Variants in ATAD2 observed in about 807,000 individuals in gnomAD.
ATAD2 encodes the protein ATPase family AAA domain containing 2, also known as ATPase family AAA domain-containing protein 2.
ATAD2 carries 62 observed loss-of-function variants against 168.9 expected under a neutral mutation model. That is an observed-to-expected ratio of 0.37 (90% CI 0.30 to 0.45). The LOEUF (loss-of-function observed/expected upper bound fraction) is 0.45. Ranked by LOEUF, ATAD2 falls within the 20% of genes least tolerant of loss-of-function variation. The pLI, the probability that ATAD2 is intolerant of heterozygous loss-of-function variation, is 1.00. For synonymous variants in ATAD2, 613 were observed against 571.6 expected (o/e 1.07, Z -1.03); for missense variants, 1,419 against 1,667.8 (o/e 0.85, Z 2.60).
intron 19 of ATAD2, chr8:123,344,481 G>A (rs980329760): frequency 5.6e-6 from 1 of 177,468 alleles, no homozygotes; most frequent in African/African-American, 2.4e-5. Context: ...GAGTAGCTGG[G>A]ACTGCAGGCG....
chr8:123,370,927 T>C lies in ATAD2; in HGVS notation c.703A>G (p.Thr235Ala). 4.4e-6 allele frequency: 7 copies of C among 1,607,616 alleles called. No homozygotes were observed. The highest frequency in any genetic ancestry group is 6.0e-6 in the Non-Finnish European group (7 of 1,176,336). Reference protein sequence around the residue: ...KDIQRTDEETTDNQEGSVESS... With the variant: ...KDIQRTDEETADNQEGSVESS... ...CCCACACTGCCTTCTTGATTATCAG[T>C]TGTTTCTTCATCAGTTCTTTGAATA... Residue 235 changes from threonine (T) to alanine (A), a missense_variant, in exon 6 of 28, where the codon ACT (threonine) becomes GCT (alanine). Physicochemically the swap from Thr to Ala is moderately conservative, Grantham distance 58. Around this residue, in one of 5 missense-constraint regions of ATAD2, gnomAD observed 419 missense variants for 423.5 expected, o/e 0.99. Coordinates refer to ENST00000287394, the MANE Select transcript of ATAD2 (RefSeq NM_014109.4).
chr8:123,326,853 C>T (rs555695662), intron 25 of ATAD2, among the ~76,000 whole-genome samples: 17 of 152,164 alleles, frequency 1.1e-4, no homozygotes, highest in Admixed American at 7.2e-4. Context: ...TGATTTAGAA[C>T]AATACATTCA....
At chr8:123,378,124 G>A (rs185802687) in intron 2 of ATAD2, among the ~76,000 whole-genome samples, 6 of 152,204 alleles carry the variant, frequency 3.9e-5, no homozygotes, top group East Asian at 3.9e-4. Context: ...AAAGTTGTAC[G>A]TTTCTCCCCA....
At chr8:123,401,941 C>A (rs577378813) in intron 1 of ATAD2, 33 of 814,874 alleles carry the variant, frequency 4.0e-5, no homozygotes, top group Admixed American at 2.9e-4. Context: ...TTGTGCCCTA[C>A]CTCATAGTGG....
chr8:123,396,147 C>G (rs1191543235), intron 1 of ATAD2, 40 bp downstream of exon 1: 3 of 1,518,394 alleles, frequency 2.0e-6, no homozygotes, highest in Non-Finnish European at 2.6e-6. Flanking sequence ...GCAGTCCCCC[C>G]GGGAACCGCC....
chr8:123,328,791 T>C (rs969305384), intron 24 of ATAD2, among the ~76,000 whole-genome samples: 76 of 137,694 alleles, frequency 5.5e-4, no homozygotes, highest in African/African-American at 2.0e-3. Context: ...TTTGATTTTA[T>C]CTTGAAATTT....
At chr8:123,329,710 CCACTG>C (rs960281674) in intron 24 of ATAD2, among the ~76,000 whole-genome samples, 4 of 135,828 alleles carry the variant, frequency 2.9e-5, no homozygotes, top group Non-Finnish European at 4.5e-5. Flanking sequence ...CGAGATCATG[CCACTG>C]CACTCTAGCT....
At chr8:123,322,501 T>C (rs752562347) in intron 27 of ATAD2, among the ~76,000 whole-genome samples, 2 of 151,962 alleles carry the variant, frequency 1.3e-5, no homozygotes, top group Non-Finnish European at 2.9e-5. Context: ...AAACCTCATC[T>C]CTACAAAAAA....
intron 9 of ATAD2, among the ~76,000 whole-genome samples, chr8:123,360,715 T>C (rs879078353): frequency 1.3e-5 from 2 of 151,132 alleles, no homozygotes; most frequent in African/African-American, 2.4e-5. Context: ...CTGTCTCTAT[T>C]AAAAGAAAAA....
intron 25 of ATAD2, among the ~76,000 whole-genome samples, chr8:123,327,262 C>G (rs1487693395): frequency 6.6e-5 from 10 of 152,168 alleles, no homozygotes; most frequent in Non-Finnish European, 7.3e-5. Flanking sequence ...AGGATAAGAA[C>G]TCAGACTTCC....
At chr8:123,361,334 G>C (rs1456864899) in intron 9 of ATAD2, among the ~76,000 whole-genome samples, 1 of 143,366 alleles carries the variant, frequency 7.0e-6, no homozygotes, top group Non-Finnish European at 1.5e-5. Flanking sequence ...AAAAAAAAAA[G>C]TCAAGAAATC....
upstream of ATAD2, chr8:123,396,556 C>A: frequency 1.7e-6 from 1 of 580,236 alleles, no homozygotes. Flanking sequence ...AACTCTCCTC[C>A]CATTTGTAGA....
In ATAD2 at chr8:123,328,349, G is replaced by T; in HGVS notation, c.3709C>A (p.Leu1237Met). Residue 1237 changes from leucine (L) to methionine (M), a missense_variant, in exon 25 of 28, where the codon CTG (leucine) becomes ATG (methionine). Physicochemically the swap from Leu to Met is conservative, Grantham distance 15. This residue lies in a region of ATAD2 where 303 missense variants were observed against 304.3 expected (regional missense o/e 1.00). Coordinates refer to ENST00000287394, the MANE Select transcript of ATAD2 (RefSeq NM_014109.4). Reference protein sequence around the residue: ...EKQQNASESKLELRNNSNTCN... With the variant: ...EKQQNASESKMELRNNSNTCN... ...GTATTTGAATTATTTCTCAATTCCA[G>T]TTTGCTTTCAGAGGCATTTTGCTGT... 6.2e-7 allele frequency: 1 copy of T among 1,605,476 alleles called. No homozygotes were observed. The highest frequency in any genetic ancestry group is 8.5e-7 in the Non-Finnish European group (1 of 1,177,358).
chr8:123,350,353 T>G (rs1828411251), intron 13 of ATAD2, among the ~76,000 whole-genome samples: 1 of 152,190 alleles, frequency 6.6e-6, no homozygotes, highest in South Asian at 2.1e-4. Context: ...ATGTATGGAT[T>G]TCTAAGAGAC....
At chr8:123,406,397 AAAATAGTTTT>A (rs1813068674) in intron 1 of ATAD2, among the ~76,000 whole-genome samples, 1 of 151,074 alleles carries the variant, frequency 6.6e-6, no homozygotes, top group Non-Finnish European at 1.5e-5. Flanking sequence ...AAAAAAAAAA[AAAATAGTTTT>A]AATAAAATTA....
At chr8:123,327,908 A>G (rs1020017585) in intron 25 of ATAD2, among the ~76,000 whole-genome samples, 4 of 152,198 alleles carry the variant, frequency 2.6e-5, no homozygotes, top group African/African-American at 7.2e-5. Context: ...ATCTACCCCA[A>G]TTTTGCAGAT....
upstream of ATAD2, chr8:123,401,284 A>G (rs1812995473): frequency 4.4e-6 from 5 of 1,143,150 alleles, no homozygotes; most frequent in Non-Finnish European, 6.6e-6. Context: ...TGTGGCCTCC[A>G]AGGATTCCCA....
intron 1 of ATAD2, among the ~76,000 whole-genome samples, chr8:123,409,947 A>AG (rs1813128650): frequency 3.3e-5 from 5 of 151,058 alleles, no homozygotes; most frequent in Admixed American, 6.6e-5. Context: ...TCGGAAAAAA[A>AG]AAAAAAAAAA....
intron 1 of ATAD2, among the ~76,000 whole-genome samples, chr8:123,405,042 T>A (rs1167317191): frequency 1.3e-5 from 2 of 152,120 alleles, no homozygotes; most frequent in Admixed American, 1.3e-4. Context: ...GCTGGCAAAC[T>A]TTTTCTGTAA....
Sources: gnomAD v4.1 joint callset for allele counts (sites outside exome capture counted in the v4.1 genomes callset) on GRCh38, gnomAD v4.1.1 for gene constraint, gnomAD v4.1.1 regional missense constraint, MANE v1.5 for transcripts, NCBI Gene and HGNC (gene_info 2026-07-23, HGNC 2026-07-21) for gene names.